The following STAG1 variants were observed in gnomAD, a reference collection of about 807,000 sequenced individuals.
STAG1 encodes the protein STAG1 cohesin complex component, also known as cohesin subunit SA-1.
STAG1 carries 26 observed loss-of-function variants against 170.9 expected under a neutral mutation model. The observed-to-expected ratio is 0.15, with a 90% CI of 0.11 to 0.21. The LOEUF (loss-of-function observed/expected upper bound fraction) is 0.21. STAG1 is among the 10% of genes least tolerant of loss of function. STAG1 has a pLI of 1.00. For missense variants in STAG1, 964 were observed against 1,509.5 expected, an observed-to-expected ratio of 0.64 and a Z score of 5.99; for synonymous variants, 514 against 497.7, an observed-to-expected ratio of 1.03 and a Z score of -0.44.
At chr3:136,564,779 T>C (rs1936989029) in intron 5 of STAG1, among the ~76,000 whole-genome samples, 1 of 151,900 alleles carries the variant, frequency 6.6e-6, no homozygotes, top group South Asian at 2.1e-4. Flanking sequence ...TCAACCCTCA[T>C]TCATTAGAGA....
At chr3:136,605,391 T>C (rs916394158) in intron 3 of STAG1, among the ~76,000 whole-genome samples, 1 of 152,244 alleles carries the variant, frequency 6.6e-6, no homozygotes, top group African/African-American at 2.4e-5. Flanking sequence ...CTATTCCTGT[T>C]AATTTCATTC....
intron 4 of STAG1, among the ~76,000 whole-genome samples, chr3:136,569,243 C>A (rs1385379078): frequency 6.6e-6 from 1 of 151,824 alleles, no homozygotes; most frequent in African/African-American, 2.4e-5. Context: ...ACCAGTAGTG[C>A]ATAAAAAGAA....
At chr3:136,465,844 C>T (rs904667797) in intron 12 of STAG1, among the ~76,000 whole-genome samples, 15 of 152,072 alleles carry the variant, frequency 9.9e-5, no homozygotes, top group Admixed American at 9.8e-4. Context: ...TGCATAACCT[C>T]TACGAAAAAA....
intron 29 of STAG1, among the ~76,000 whole-genome samples, chr3:136,346,414 T>C (rs2108264602): frequency 6.6e-6 from 1 of 152,352 alleles, no homozygotes; most frequent in East Asian, 1.9e-4. Context: ...AGGATGAAAC[T>C]CTGCAGCCTA....
intron 16 of STAG1, among the ~76,000 whole-genome samples, chr3:136,432,518 G>T (rs1022729980): frequency 1.0e-5 from 1 of 100,190 alleles, no homozygotes; most frequent in East Asian, 2.5e-4. Context: ...TTTTTTTGGG[G>T]GGGGGGGGGC....
chr3:136,369,367 C>T, intron 23 of STAG1, 85 bp from the exon 24 acceptor site: 3 of 1,150,808 alleles, frequency 2.6e-6, no homozygotes, highest in South Asian at 1.8e-5. Context: ...GAAATTAAAA[C>T]ATAGTTTAAT....
chr3:136,656,488 G>A (rs1044497958), intron 1 of STAG1, among the ~76,000 whole-genome samples: 4 of 151,682 alleles, frequency 2.6e-5, no homozygotes, highest in Admixed American at 2.0e-4. Flanking sequence ...GGGTAGAAAC[G>A]GTGGTGGCAG....
At chr3:136,389,694 AT>A (rs1244391132) in intron 22 of STAG1, among the ~76,000 whole-genome samples, 2 of 151,246 alleles carry the variant, frequency 1.3e-5, no homozygotes, top group African/African-American at 4.9e-5. Flanking sequence ...TAATTTTTGT[AT>A]TTTTAGTAGA....
chr3:136,648,252 T>C (rs958525948), intron 1 of STAG1, among the ~76,000 whole-genome samples: 3 of 152,240 alleles, frequency 2.0e-5, no homozygotes, highest in Admixed American at 6.5e-5. Flanking sequence ...ACAGAAATCA[T>C]TGAGTCACCT....
In STAG1 at chr3:136,545,080, GCT is replaced by G. The variant is rs1236513304; in HGVS notation, c.395-2887_395-2886del. ...TTCTTTTTTTTTGAGATTGTGTCTT[GCT>G]CTGTTGTCCAAGATGGAGTGCAATG... is the stretch of plus-strand genomic sequence containing the variant. On this transcript the variant is annotated intron_variant, in intron 5 of 33. Coordinates refer to ENST00000383202, the MANE Select transcript of STAG1 (RefSeq NM_005862.3). Among the ~76,000 whole-genome samples, 8 of 151,410 alleles carry G rather than the reference GCT, an allele frequency of 5.3e-5. No individual in the cohort carries two copies. In the Middle Eastern group the frequency reaches 0.014, roughly 257 times the overall value.
At chr3:136,369,600 G>T (rs148964430) in intron 23 of STAG1, among the ~76,000 whole-genome samples, 2 of 152,092 alleles carry the variant, frequency 1.3e-5, no homozygotes, top group African/African-American at 4.8e-5. Context: ...TTGATTACAG[G>T]TCAAAGAACA....
Position 136,733,119 on chromosome 3 carries a change from C to T in STAG1, c.-84+19076G>A, listed in dbSNP as rs189225772. On this transcript the variant is annotated intron_variant, in intron 1 of 33. Transcript: ENST00000383202. Reference sequence around the variant, plus strand: ...TTTTTTTTTTTGAGACAGTCTCACTCTGTCACCCAGGCTGGAGTGCAGCGG... The same window carrying T: ...TTTTTTTTTTTGAGACAGTCTCACTTTGTCACCCAGGCTGGAGTGCAGCGG... 3.4e-3 allele frequency among the ~76,000 whole-genome samples: 486 copies of T among 141,680 alleles called. 7 individuals carry two copies. In the East Asian group the frequency reaches 0.049, roughly 14 times the overall value. 92.9% of individuals were successfully genotyped at this position (141,680 alleles called of 152,430 possible).
intron 9 of STAG1, among the ~76,000 whole-genome samples, chr3:136,478,062 T>A (rs2089802430): frequency 6.6e-6 from 1 of 152,144 alleles, no homozygotes; most frequent in African/African-American, 2.4e-5. Flanking sequence ...AGTGCTGGGA[T>A]TACACGCGTG....
intron 1 of STAG1, among the ~76,000 whole-genome samples, chr3:136,638,125 ATT>A (rs1940646756): frequency 7.1e-6 from 1 of 140,050 alleles, no homozygotes; most frequent in African/African-American, 2.6e-5. Context: ...CCCAGGCTGC[ATT>A]TTCTTTTTTT....
At chr3:136,602,681 T>C (rs1283974195) in intron 4 of STAG1, among the ~76,000 whole-genome samples, 2 of 151,854 alleles carry the variant, frequency 1.3e-5, no homozygotes, top group East Asian at 1.9e-4. Flanking sequence ...TGAAACTCCA[T>C]CTCTACTAAA....
intron 5 of STAG1, among the ~76,000 whole-genome samples, chr3:136,552,515 G>C (rs967960417): frequency 6.6e-6 from 1 of 152,126 alleles, no homozygotes; most frequent in Non-Finnish European, 1.5e-5. Context: ...ATAAATAAAA[G>C]CAGAAATTCA....
At chr3:136,356,187 G>A (rs1462542524) in intron 28 of STAG1, among the ~76,000 whole-genome samples, 1 of 151,888 alleles carries the variant, frequency 6.6e-6, no homozygotes, top group Non-Finnish European at 1.5e-5. Flanking sequence ...ACTGAGCCTG[G>A]CCATCTGCCT....
chr3:136,434,671 G>A (rs180790873), intron 15 of STAG1, among the ~76,000 whole-genome samples: 62 of 152,210 alleles, frequency 4.1e-4, no homozygotes, highest in African/African-American at 1.4e-3. Flanking sequence ...AAAAAGCCAC[G>A]TCTGTCTCCT....
intron 4 of STAG1, chr3:136,587,026 T>C (rs936177933): frequency 3.2e-5 from 12 of 372,224 alleles, no homozygotes; most frequent in African/African-American, 8.5e-5. Flanking sequence ...GATGGTTACA[T>C]AAATGAGAAA....
Sources: allele counts gnomAD v4.1 joint callset (sites outside exome capture counted in the v4.1 genomes callset), GRCh38; gene constraint gnomAD v4.1.1; transcripts MANE v1.5; gene names NCBI Gene and HGNC (gene_info 2026-07-23, HGNC 2026-07-21).